The following PPIG variants were observed in gnomAD, a reference collection of about 807,000 sequenced individuals.
The protein encoded by PPIG is peptidylprolyl isomerase G.
In PPIG, 26 loss-of-function variants were observed where a neutral mutation model predicts 87.9. The observed-to-expected ratio is 0.30, with a 90% CI of 0.22 to 0.41. The LOEUF is 0.41. PPIG is among the 10% of genes least tolerant of loss of function. The pLI is 1.00. For missense variants in PPIG, 722 were observed against 879.4 expected (o/e 0.82, Z 2.26); for synonymous variants, 308 against 276.5 (o/e 1.11, Z -1.13).
chr2:169,635,758 C>A (rs747482268), intron 12 of PPIG, among the ~76,000 whole-genome samples: 1 of 152,138 alleles, frequency 6.6e-6, no homozygotes, highest in East Asian at 1.9e-4. Flanking sequence ...AGGACTCTTC[C>A]ATGGAGAAGA....
chr2:169,637,255 C>CT lies in PPIG; in HGVS notation c.1998dup (p.Lys667Ter). ...TCTGAGAGTGAGAAAAGAATGTACT[C>CT]TAAAAGTCGTGATCATAATAGCTCA... is the stretch of plus-strand genomic sequence containing the variant. On this transcript the variant is annotated frameshift_variant, in exon 14 of 14. Transcript: ENST00000260970. LOFTEE classifies it high-confidence loss of function. The CT allele has an allele frequency of 6.2e-7, 1 of 1,613,084 alleles. No individual in the cohort carries two copies. The highest frequency in any genetic ancestry group is 2.2e-5 in the East Asian group (1 of 44,864).
At chr2:169,625,393 T>C (rs181453249) in intron 9 of PPIG, among the ~76,000 whole-genome samples, 1 of 152,226 alleles carries the variant, frequency 6.6e-6, no homozygotes, top group African/African-American at 2.4e-5. Context: ...AATTGCCAGT[T>C]TGCAGAGGTC....
At chr2:169,624,281 A>T (rs1685828144) in intron 9 of PPIG, among the ~76,000 whole-genome samples, 1 of 152,132 alleles carries the variant, frequency 6.6e-6, no homozygotes, top group South Asian at 2.1e-4. Flanking sequence ...CCTTAATATT[A>T]TACTAGTAAG....
At position 169,640,594 on chromosome 2, in the gene PPIG, C is replaced by T. The variant is rs551527967; in HGVS notation, c.*3071C>T. The T allele has an allele frequency of 6.6e-6, 1 of 152,102 alleles. No homozygotes were observed. The highest frequency in any genetic ancestry group is 1.5e-5 in the Non-Finnish European group (1 of 68,004). The allele number at this position is 152,102 out of a possible 1,614,324, so 9.4% of individuals were successfully genotyped here. A position where few individuals can be genotyped will look rare whatever the true frequency, so the allele number is the denominator to read the frequency against. ...CCATAGCTGATTTGTTATAAAGAAA[C>T]AAAATGGGTGTTCTTCTGTTTCCTT... On this transcript the variant is annotated 3_prime_UTR_variant, in exon 14 of 14. Transcript: ENST00000260970.
In PPIG at chr2:169,637,552, G is replaced by C; in HGVS notation, c.*29G>C. 6.7e-7 allele frequency: 1 copy of C among 1,495,152 alleles called. No homozygotes were observed. The highest frequency in any genetic ancestry group is 1.4e-5 in the South Asian group (1 of 69,104). The allele number at this position is 1,495,152 out of a possible 1,614,324, so 92.6% of individuals were successfully genotyped here. A position where few individuals can be genotyped will look rare whatever the true frequency, so the allele number is the denominator to read the frequency against. ...AGTTATATAAACTTACTTCCATTCT[G>C]TTTCGGATTTTAAGTTTGAGAGACT... On this transcript the variant is annotated 3_prime_UTR_variant, in exon 14 of 14. Transcript: ENST00000260970.
chr2:169,630,025 GA>G (rs1158079824), intron 9 of PPIG, among the ~76,000 whole-genome samples: 2 of 152,044 alleles, frequency 1.3e-5, no homozygotes, highest in African/African-American at 4.8e-5. Context: ...TGATTTGAAT[GA>G]GTATACCTTT....
chr2:169,598,908 AATATTT>A (rs1034634331), intron 1 of PPIG, among the ~76,000 whole-genome samples: 12 of 150,228 alleles, frequency 8.0e-5, no homozygotes, highest in African/African-American at 2.2e-4. Context: ...AATATAGGTA[AATATTT>A]ATATTTATAT....
At chr2:169,636,028 A>G (rs902031229) in intron 12 of PPIG, 64 bp from the exon 13 acceptor site, 8 of 1,321,888 alleles carry the variant, frequency 6.1e-6, no homozygotes, top group African/African-American at 3.0e-5. Context: ...CCTCCCTCCC[A>G]GCACCCATGC....
chr2:169,586,766 A>G (rs552454817), intron 1 of PPIG, among the ~76,000 whole-genome samples: 30 of 152,106 alleles, frequency 2.0e-4, no homozygotes, highest in South Asian at 4.1e-4. Context: ...TTTCCTTCCT[A>G]TTAGTTTATA....
At chr2:169,597,285 G>A (rs372933371) in intron 1 of PPIG, among the ~76,000 whole-genome samples, 1 of 151,868 alleles carries the variant, frequency 6.6e-6, no homozygotes, top group Admixed American at 6.6e-5. Flanking sequence ...TTTTTGTTAA[G>A]CAAATACATA....
chr2:169,587,385 G>T (rs958033466), intron 1 of PPIG, among the ~76,000 whole-genome samples: 1 of 152,024 alleles, frequency 6.6e-6, no homozygotes, highest in Non-Finnish European at 1.5e-5. Context: ...GGGATTACAG[G>T]CATGTGCCAC....
chr2:169,600,049 A>C (rs1429413665), intron 1 of PPIG, among the ~76,000 whole-genome samples: 1 of 151,094 alleles, frequency 6.6e-6, no homozygotes, highest in Non-Finnish European at 1.5e-5. Flanking sequence ...TTTTGTGGGG[A>C]GGTACACATT....
intron 9 of PPIG, among the ~76,000 whole-genome samples, chr2:169,615,526 TCAA>T (rs1685589020): frequency 6.6e-6 from 1 of 152,226 alleles, no homozygotes. Context: ...TTCTGTGACT[TCAA>T]CGTTTTTAGA....
At chr2:169,617,448 G>T (rs1685634424) in intron 9 of PPIG, among the ~76,000 whole-genome samples, 1 of 152,036 alleles carries the variant, frequency 6.6e-6, no homozygotes, top group Admixed American at 6.6e-5. Context: ...AAATTACTTT[G>T]GGCAGTATGG....
intron 11 of PPIG, among the ~76,000 whole-genome samples, chr2:169,632,608 G>A (rs1316305752): frequency 6.6e-6 from 1 of 151,976 alleles, no homozygotes; most frequent in Non-Finnish European, 1.5e-5. Flanking sequence ...GGGTGTGGTG[G>A]CGGGTGCCTG....
At chr2:169,634,790 A>G (rs549914064) in intron 12 of PPIG, among the ~76,000 whole-genome samples, 2 of 152,314 alleles carry the variant, frequency 1.3e-5, no homozygotes, top group South Asian at 4.1e-4. Flanking sequence ...TACCCCTGCC[A>G]TGTTAATTCA....
chr2:169,592,627 A>T (rs1684901056), intron 1 of PPIG, among the ~76,000 whole-genome samples: 1 of 151,820 alleles, frequency 6.6e-6, no homozygotes. Context: ...TCTAATAGAG[A>T]TGCGTTCTCA....
At chr2:169,615,873 G>T (rs766441313) in intron 9 of PPIG, among the ~76,000 whole-genome samples, 22 of 152,114 alleles carry the variant, frequency 1.4e-4, no homozygotes, top group Admixed American at 4.6e-4. Context: ...TATACTTTAA[G>T]TTCTGGGATA....
chr2:169,629,726 G>T (rs1685986625), intron 9 of PPIG, among the ~76,000 whole-genome samples: 1 of 152,104 alleles, frequency 6.6e-6, no homozygotes, highest in Admixed American at 6.5e-5. Flanking sequence ...AGCAGCCATG[G>T]GTTATCAGTG....
Sources: allele counts gnomAD v4.1 joint callset (sites outside exome capture counted in the v4.1 genomes callset), GRCh38; gene constraint gnomAD v4.1.1; transcripts MANE v1.5; gene names NCBI Gene and HGNC (gene_info 2026-07-23, HGNC 2026-07-21).